KCNJ8: variants seen among roughly 807,000 people sequenced by gnomAD.
KCNJ8 encodes the protein ATP-sensitive inward rectifier potassium channel 8.
Under a neutral mutation model 28.2 loss-of-function variants are expected in KCNJ8, and 13 were observed. The observed-to-expected ratio is 0.46, with a 90% CI of 0.30 to 0.73. The LOEUF (loss-of-function observed/expected upper bound fraction) is 0.73, where lower values mean the gene tolerates loss of function less well. Among genes scored for constraint, KCNJ8 ranks in the 30% least tolerant of loss-of-function variants. The pLI is 0.07. For synonymous variants in KCNJ8, 188 were observed against 195.9 expected (o/e 0.96, Z 0.34); for missense variants, 284 against 542.6 (o/e 0.52, Z 4.73).
chr12:21,769,995 G>T (rs1461526439), intron 2 of KCNJ8, among the ~76,000 whole-genome samples: 1 of 152,226 alleles, frequency 6.6e-6, no homozygotes, highest in East Asian at 1.9e-4. Context: ...TAAAGCAGTG[G>T]CAGGTTTTGA....
At chr12:21,771,747 A>C (rs750851600) in intron 2 of KCNJ8, among the ~76,000 whole-genome samples, 1 of 152,134 alleles carries the variant, frequency 6.6e-6, no homozygotes, top group Non-Finnish European at 1.5e-5. Flanking sequence ...ATTTAGATTA[A>C]AACTTTATTT....
In KCNJ8 at chr12:21,773,107, C is replaced by CT; in HGVS notation, c.374+135dup. 1.9e-6 allele frequency: 2 copies of CT among 1,030,580 alleles called. No individual in the cohort carries two copies. Among genetic ancestry groups the CT allele is most frequent in the Non-Finnish European group, 3.0e-6 (2 of 676,282 alleles). The allele number at this position is 1,030,580 out of a possible 1,614,324, so 63.8% of individuals were successfully genotyped here. ...GTGTTAGGTGTTGTTCTTTATTGTG[C>CT]TTTTTTGTTTCTGAAGATTCTAAAA... On this transcript the variant is annotated intron_variant, in intron 2 of 2. Coordinates refer to ENST00000240662, the MANE Select transcript of KCNJ8 (RefSeq NM_004982.4). This position sits in a 1 kb window ranked among gnomAD's most constrained non-coding sequence, Gnocchi z 4.6.
chr12:21,773,211 T>C lies in KCNJ8; in HGVS notation c.374+32A>G. 6 of 1,610,018 alleles carry C rather than the reference T, an allele frequency of 3.7e-6. No homozygotes were observed. Among genetic ancestry groups the C allele is most frequent in the Non-Finnish European group, 5.1e-6 (6 of 1,179,288 alleles). On this transcript the variant is annotated intron_variant, in intron 2 of 2. Coordinates refer to ENST00000240662, the MANE Select transcript of KCNJ8 (RefSeq NM_004982.4). This position sits in a 1 kb window ranked among gnomAD's most constrained non-coding sequence, Gnocchi z 4.6. The stretch of plus-strand genomic sequence containing the variant: ...TTTTGACATTTTTTCTCTACTGTTT[T>C]CAACCCCTGCCTCATCCCACTACAT...
rs904154291 is a variant in KCNJ8, at chr12:21,771,811, A to G, written c.374+1432T>C. ...GTGCCAGTAAGTTTCTTAAAGATAT[A>G]TATTATAGATAATGATATTTGATCT... On this transcript the variant is annotated intron_variant, in intron 2 of 2. Coordinates refer to ENST00000240662, the MANE Select transcript of KCNJ8 (RefSeq NM_004982.4). Among the ~76,000 whole-genome samples, 4 of 152,166 alleles carry G rather than the reference A, an allele frequency of 2.6e-5. No homozygotes were observed. The East Asian group carries it at 7.7e-4, about 29-fold the overall frequency.
rs369660507 is a variant in KCNJ8, at chr12:21,766,297, G to A, written c.701C>T (p.Thr234Ile). The A allele has an allele frequency of 6.2e-7, 1 of 1,614,174 alleles. No homozygotes were observed. The highest frequency in any genetic ancestry group is 1.3e-5 in the African/African-American group (1 of 75,058). Reference sequence around the variant, plus strand: ...AGGAACCACCTCCCCTTCAGGTGTAGTTGTTTTCTTGACCACCTGGATGCG... The same window carrying A: ...AGGAACCACCTCCCCTTCAGGTGTAATTGTTTTCTTGACCACCTGGATGCG... ...SVRIQVVKKT[T>I]TPEGEVVPIH... The change falls in exon 3 of 3, where the codon ACT (threonine) becomes ATT (isoleucine). Residue 234 changes from threonine to isoleucine, a missense_variant. Thr to Ile is a moderately conservative substitution (Grantham distance 89, BLOSUM62 -1). This residue lies in a region of KCNJ8 where 107 missense variants were observed against 235.6 expected (regional missense o/e 0.45). Coordinates refer to ENST00000240662, the MANE Select transcript of KCNJ8 (RefSeq NM_004982.4). The surrounding 1 kb of genome is among the most constrained non-coding windows in gnomAD (Gnocchi z 6.5).
At position 21,765,639 on chromosome 12, in the gene KCNJ8, G is replaced by A; in HGVS notation, c.*84C>T. 2 of 1,108,066 alleles carry A rather than the reference G, an allele frequency of 1.8e-6. No individual in the cohort carries two copies. Among genetic ancestry groups the A allele is most frequent in the South Asian group, 2.5e-5 (2 of 80,170 alleles). 68.6% of individuals were successfully genotyped at this position (1,108,066 alleles called of 1,614,324 possible). ...ATAAAATGTAGAAGGACACATTATT[G>A]TGTTCCAGCTCTGGTTCAGTCTGGC... On this transcript the variant is annotated 3_prime_UTR_variant, in exon 3 of 3. Coordinates refer to ENST00000240662, the MANE Select transcript of KCNJ8 (RefSeq NM_004982.4).
chr12:21,771,304 C>T (rs931543673), intron 2 of KCNJ8, among the ~76,000 whole-genome samples: 7 of 152,180 alleles, frequency 4.6e-5, no homozygotes, highest in African/African-American at 1.4e-4. Flanking sequence ...ACATATGGTA[C>T]AAGACCCAGC....
Position 21,765,681 on chromosome 12 carries a change from C to G in KCNJ8, c.*42G>C. Reference sequence around the variant, plus strand: ...CAGTCTGGCAGTGCCCAGCATAAACCGTCAAAACTTGATAAAAGACTGTCT... The same window carrying G: ...CAGTCTGGCAGTGCCCAGCATAAACGGTCAAAACTTGATAAAAGACTGTCT... On this transcript the variant is annotated 3_prime_UTR_variant, in exon 3 of 3. Coordinates refer to ENST00000240662, the MANE Select transcript of KCNJ8 (RefSeq NM_004982.4). The G allele has an allele frequency of 6.4e-7, 1 of 1,572,244 alleles. No individual in the cohort carries two copies.
chr12:21,772,255 G>A (rs1940776636), intron 2 of KCNJ8, among the ~76,000 whole-genome samples: 1 of 152,132 alleles, frequency 6.6e-6, no homozygotes, highest in East Asian at 1.9e-4. Context: ...TCTTTGCTTT[G>A]TGAATTATGT....
chr12:21,774,356 G>A, intron 1 of KCNJ8, among the ~76,000 whole-genome samples, 190 bp downstream of exon 1: 1 of 135,772 alleles, frequency 7.4e-6, no homozygotes, highest in African/African-American at 2.7e-5. Context: ...TTTTTACAAC[G>A]AAGGAATCAA....
At chr12:21,771,939 C>T (rs1437357376) in intron 2 of KCNJ8, among the ~76,000 whole-genome samples, 1 of 152,000 alleles carries the variant, frequency 6.6e-6, no homozygotes, top group Non-Finnish European at 1.5e-5. Flanking sequence ...TTCTTTGAGA[C>T]AACAGTTTGT....
intron 1 of KCNJ8, among the ~76,000 whole-genome samples, chr12:21,774,313 ATAT>A (rs1369209246): frequency 1.3e-5 from 2 of 151,758 alleles, no homozygotes; most frequent in Non-Finnish European, 2.9e-5. Context: ...GGAAATCATA[ATAT>A]TATAAATTGA....
rs1940596172 is a variant in KCNJ8, at chr12:21,765,485, T to A, written c.*238A>T. 9.0e-6 allele frequency: 5 copies of A among 556,498 alleles called. No homozygotes were observed. Among genetic ancestry groups the A allele is most frequent in the Non-Finnish European group, 1.6e-5 (5 of 310,346 alleles). The allele number at this position is 556,498 out of a possible 1,614,324, so 34.5% of individuals were successfully genotyped here. On this transcript the variant is annotated 3_prime_UTR_variant, in exon 3 of 3. Coordinates refer to ENST00000240662, the MANE Select transcript of KCNJ8 (RefSeq NM_004982.4). ...AAACGAGCATACCCACCCCTGCACA[T>A]AACTTAAGTATATCACTGCGAATTC...
At chr12:21,772,396 G>T (rs1321673404) in intron 2 of KCNJ8, among the ~76,000 whole-genome samples, 1 of 151,998 alleles carries the variant, frequency 6.6e-6, no homozygotes, top group Non-Finnish European at 1.5e-5. Flanking sequence ...AAAAAACAAA[G>T]AAATCACCTC....
chr12:21,770,425 T>C (rs1211023892), intron 2 of KCNJ8, among the ~76,000 whole-genome samples: 1 of 152,238 alleles, frequency 6.6e-6, no homozygotes, highest in East Asian at 1.9e-4. Context: ...ATTTGCTTTA[T>C]TGCAATGGTC....
At position 21,766,717 on chromosome 12, in the gene KCNJ8, A is replaced by T; in HGVS notation, c.375-94T>A. The T allele has an allele frequency of 2.9e-6, 3 of 1,047,800 alleles. No individual in the cohort carries two copies. Among genetic ancestry groups the T allele is most frequent in the Non-Finnish European group, 4.3e-6 (3 of 698,224 alleles). 64.9% of individuals were successfully genotyped at this position (1,047,800 alleles called of 1,614,324 possible). On this transcript the variant is annotated intron_variant, in intron 2 of 2. Coordinates refer to ENST00000240662, the MANE Select transcript of KCNJ8 (RefSeq NM_004982.4). This position sits in a 1 kb window ranked among gnomAD's most constrained non-coding sequence, Gnocchi z 6.5. ...AGCTTTTCATTTTCTTCCACCAAAG[A>T]CTATTAAATGCTTGCAGAAAGACTA...
chr12:21,766,386 G>T lies in KCNJ8; in HGVS notation c.612C>A (p.Gly204=), dbSNP rs960390064. 6.2e-7 allele frequency: 1 copy of T among 1,614,076 alleles called. No individual in the cohort carries two copies. The highest frequency in any genetic ancestry group is 8.5e-7 in the Non-Finnish European group (1 of 1,180,052). ...SRHAVIAVRN[G]KLCFMFRVGD... ...CCACTCGGAACATGAAGCACAGCTT[G>T]CCATTTCGGACGGCAATCACAGCAT... The change falls in exon 3 of 3, where the codon GGC becomes GGA. Residue 204 remains glycine, a synonymous_variant. Coordinates refer to ENST00000240662, the MANE Select transcript of KCNJ8 (RefSeq NM_004982.4). The surrounding 1 kb of genome is among the most constrained non-coding windows in gnomAD (Gnocchi z 6.5).
Position 21,765,589 on chromosome 12 carries a change from T to C in KCNJ8, c.*134A>G, listed in dbSNP as rs1171990116. 4.9e-6 allele frequency: 4 copies of C among 809,832 alleles called. No individual in the cohort carries two copies. Among genetic ancestry groups the C allele is most frequent in the Non-Finnish European group, 8.6e-6 (4 of 466,810 alleles). The allele number at this position is 809,832 out of a possible 1,614,324, so 50.2% of individuals were successfully genotyped here. ...TTATTACTACAGAAAGTGCTGTTGC[T>C]TGAATATGAATATCATTTAGTGTAA... On this transcript the variant is annotated 3_prime_UTR_variant, in exon 3 of 3. Coordinates refer to ENST00000240662, the MANE Select transcript of KCNJ8 (RefSeq NM_004982.4).
chr12:21,773,240 T>C lies in KCNJ8; in HGVS notation c.374+3A>G. On this transcript the variant is annotated splice_donor_region_variant and intron_variant, in intron 2 of 2. Transcript: ENST00000240662. This position sits in a 1 kb window ranked among gnomAD's most constrained non-coding sequence, Gnocchi z 4.6. ...CCCCTGCCTCATCCCACTACATTCT[T>C]ACCTGACATTAGTCACACACACAGT... The C allele has an allele frequency of 1.2e-6, 2 of 1,613,156 alleles. No individual in the cohort carries two copies. The highest frequency in any genetic ancestry group is 1.1e-5 in the South Asian group (1 of 91,006).
Sources: allele counts gnomAD v4.1 joint callset (sites outside exome capture counted in the v4.1 genomes callset), GRCh38; gene constraint gnomAD v4.1.1; regional missense constraint gnomAD v4.1.1; non-coding constraint Gnocchi (gnomAD v3.1); transcripts MANE v1.5; gene names NCBI Gene and HGNC (gene_info 2026-07-23, HGNC 2026-07-21).